JMJD1C: variants seen among roughly 807,000 people sequenced by gnomAD.
JMJD1C encodes jumonji domain containing 1C.
In JMJD1C, 31 loss-of-function variants were observed where a neutral mutation model predicts 245.3. That is an observed-to-expected ratio of 0.13 (90% confidence interval 0.09 to 0.17). The LOEUF (loss-of-function observed/expected upper bound fraction) is 0.17, where lower values mean the gene tolerates loss of function less well. Among genes scored for constraint, JMJD1C ranks in the 10% least tolerant of loss-of-function variants. The probability of loss-of-function intolerance (pLI) is 1.00; values close to 1 mark genes in which losing one functional copy is unlikely to be tolerated. For missense variants in JMJD1C, 2,691 were observed against 3,000.2 expected (o/e 0.90, Z 2.41); for synonymous variants, 1,057 against 1,017.4 (o/e 1.04, Z -0.74).
At chr10:63,378,774 G>A (rs1200968971) in intron 2 of JMJD1C, among the ~76,000 whole-genome samples, 3 of 151,926 alleles carry the variant, frequency 2.0e-5, no homozygotes, top group African/African-American at 7.3e-5. Context: ...TTTGGGTTAA[G>A]GTCTATAAAA....
chr10:63,269,101 A>G (rs1855981780), intron 2 of JMJD1C: 3 of 985,460 alleles, frequency 3.0e-6, no homozygotes, highest in African/African-American at 3.5e-5. Context: ...ATAACCAGTA[A>G]GATACTCCAA....
intron 2 of JMJD1C, among the ~76,000 whole-genome samples, chr10:63,272,106 G>A (rs972151481): frequency 6.6e-6 from 1 of 150,980 alleles, no homozygotes; most frequent in Non-Finnish European, 1.5e-5. Context: ...AAAAACTACC[G>A]AAAAGATATT....
chr10:63,261,305 C>T (rs974727739), intron 3 of JMJD1C, among the ~76,000 whole-genome samples: 2 of 152,122 alleles, frequency 1.3e-5, no homozygotes, highest in East Asian at 1.9e-4. Context: ...CAGTGCCGGG[C>T]GCAGTGGCTC....
intron 1 of JMJD1C, among the ~76,000 whole-genome samples, chr10:63,392,882 A>ACACC (rs1948185024): frequency 6.7e-6 from 1 of 148,476 alleles, no homozygotes; most frequent in Admixed American, 6.7e-5. Flanking sequence ...ACACACACAC[A>ACACC]CACACACACA....
intron 2 of JMJD1C, among the ~76,000 whole-genome samples, chr10:63,311,029 A>T (rs1939111634): frequency 6.6e-6 from 1 of 152,140 alleles, no homozygotes; most frequent in Admixed American, 6.6e-5. Flanking sequence ...GAAGAAAACC[A>T]CACTGGAGAG....
At chr10:63,233,544 C>T (rs971744398) in intron 3 of JMJD1C, among the ~76,000 whole-genome samples, 3 of 151,896 alleles carry the variant, frequency 2.0e-5, no homozygotes, top group Admixed American at 2.0e-4. Flanking sequence ...TCATTATATT[C>T]GTCAGAATTT....
intron 1 of JMJD1C, among the ~76,000 whole-genome samples, chr10:63,385,014 G>A (rs967117498): frequency 1.3e-5 from 2 of 152,078 alleles, no homozygotes; most frequent in African/African-American, 4.8e-5. Flanking sequence ...CCTTTCACTT[G>A]AAAACATACA....
chr10:63,209,300 G>GTT, intron 8 of JMJD1C, 65 bp from the exon 9 acceptor site: 1 of 1,364,136 alleles, frequency 7.3e-7, no homozygotes, highest in African/African-American at 1.5e-5. Flanking sequence ...TAAACACCGT[G>GTT]TCACAGTAGA....
At chr10:63,307,929 C>G (rs1176398412) in intron 2 of JMJD1C, among the ~76,000 whole-genome samples, 1 of 152,056 alleles carries the variant, frequency 6.6e-6, no homozygotes, top group African/African-American at 2.4e-5. Flanking sequence ...GCAGGCGGAT[C>G]ACTTGAGGTC....
chr10:63,388,308 G>T (rs188716569), intron 1 of JMJD1C, among the ~76,000 whole-genome samples: 107 of 151,126 alleles, frequency 7.1e-4, no homozygotes, highest in Non-Finnish European at 1.3e-3. Context: ...TCCTTACAGG[G>T]CAGAAGACAA....
intron 2 of JMJD1C, among the ~76,000 whole-genome samples, chr10:63,290,672 A>AATT (rs1858558969): frequency 1.3e-5 from 2 of 152,306 alleles, no homozygotes; most frequent in South Asian, 4.1e-4. Context: ...TTTTATGTCT[A>AATT]ATGTCTATGA....
rs116329202 is a variant in JMJD1C at position 63,507,239 on chromosome 10, T to C, written n.113+14499A>G. ...GCTATAAACATTTGCGTGCAGGTTT[T>C]TGCGTGAACATATTTCAATTCATTT... On this transcript the variant is annotated intron_variant and non_coding_transcript_variant, in intron 1 of 3. Coordinates refer to the JMJD1C transcript ENST00000633035. 1.4e-4 allele frequency among the ~76,000 whole-genome samples: 21 copies of C among 152,350 alleles called. 1 individual carries two copies. Among genetic ancestry groups the C allele is most frequent in the African/African-American group, 5.1e-4 (21 of 41,584 alleles).
intron 1 of JMJD1C, chr10:63,382,804 G>C (rs1242107114): frequency 2.2e-6 from 1 of 455,962 alleles, no homozygotes; most frequent in South Asian, 1.5e-5. Flanking sequence ...CCTTACACCT[G>C]AAGAGTTTCC....
chr10:63,317,768 C>A (rs930125291), intron 2 of JMJD1C, among the ~76,000 whole-genome samples: 1 of 152,230 alleles, frequency 6.6e-6, no homozygotes, highest in Admixed American at 6.5e-5. Flanking sequence ...TCAGTGTGCC[C>A]CGTCGCCCCC....
At chr10:63,286,273 C>T (rs1334612410) in intron 2 of JMJD1C, among the ~76,000 whole-genome samples, 4 of 152,204 alleles carry the variant, frequency 2.6e-5, no homozygotes, top group African/African-American at 9.6e-5. Context: ...GGAGAACATT[C>T]TAAGAATACA....
intron 1 of JMJD1C, among the ~76,000 whole-genome samples, chr10:63,425,751 C>A (rs896253099): frequency 6.6e-6 from 1 of 152,114 alleles, no homozygotes; most frequent in Admixed American, 6.5e-5. Flanking sequence ...CACTGCACTC[C>A]GGCCTGGGAA....
chr10:63,488,489 T>C (rs1214396219), intron 1 of JMJD1C, among the ~76,000 whole-genome samples: 2 of 152,010 alleles, frequency 1.3e-5, no homozygotes, highest in East Asian at 1.9e-4. Context: ...CTAACGTTTC[T>C]TGAAAAACCA....
chr10:63,297,358 G>A (rs893297188), intron 2 of JMJD1C, among the ~76,000 whole-genome samples: 4 of 152,128 alleles, frequency 2.6e-5, no homozygotes, highest in African/African-American at 9.7e-5. Flanking sequence ...GCTCAGCCAG[G>A]CTTGGACACT....
At chr10:63,431,412 T>C (rs907725511) in intron 1 of JMJD1C, among the ~76,000 whole-genome samples, 5 of 152,292 alleles carry the variant, frequency 3.3e-5, no homozygotes, top group African/African-American at 1.2e-4. Context: ...GGCCAACCTA[T>C]GGGTATAACA....
Sources: gnomAD v4.1 joint callset for allele counts (sites outside exome capture counted in the v4.1 genomes callset) on GRCh38, gnomAD v4.1.1 for gene constraint, MANE v1.5 for transcripts, NCBI Gene and HGNC (gene_info 2026-07-23, HGNC 2026-07-21) for gene names.